MROH9: variants seen among roughly 807,000 people sequenced by gnomAD.
MROH9 encodes maestro heat-like repeat-containing protein family member 9.
Under a neutral mutation model 98.2 loss-of-function variants are expected in MROH9, and 92 were observed. That is an observed-to-expected ratio of 0.94 (90% CI 0.79 to 1.11). The LOEUF (loss-of-function observed/expected upper bound fraction) is 1.11, where lower values mean the gene tolerates loss of function less well. MROH9 is among the 50% of genes most tolerant of loss of function. The probability of loss-of-function intolerance (pLI) is 0.00; values close to 1 mark genes in which losing one functional copy is unlikely to be tolerated. For synonymous variants in MROH9, 397 were observed against 368.9 expected, an observed-to-expected ratio of 1.08 and a Z score of -0.87; for missense variants, 1,057 against 1,014.8, an observed-to-expected ratio of 1.04 and a Z score of -0.57.
intron 6 of MROH9, among the ~76,000 whole-genome samples, chr1:170,962,310 G>GA (rs1252470437): frequency 6.6e-6 from 1 of 152,112 alleles, no homozygotes; most frequent in Non-Finnish European, 1.5e-5. Context: ...ACATAGCAAT[G>GA]AAACCATGCT....
At chr1:171,047,205 T>C (rs1653497582) in intron 20 of MROH9, among the ~76,000 whole-genome samples, 1 of 152,216 alleles carries the variant, frequency 6.6e-6, no homozygotes, top group South Asian at 2.1e-4. Flanking sequence ...GATATAGATA[T>C]CTTTCCGTAG....
intron 20 of MROH9, among the ~76,000 whole-genome samples, chr1:171,045,978 G>A (rs1571165234): frequency 6.6e-6 from 1 of 152,168 alleles, no homozygotes; most frequent in Non-Finnish European, 1.5e-5. Flanking sequence ...GTGCTCCTAT[G>A]TTGGGTGCAT....
intron 14 of MROH9, among the ~76,000 whole-genome samples, chr1:170,997,887 C>G (rs1362467840): frequency 6.6e-6 from 1 of 152,078 alleles, no homozygotes; most frequent in Non-Finnish European, 1.5e-5. Flanking sequence ...GGAGCTTGCA[C>G]TAAAATAGGA....
intron 15 of MROH9, among the ~76,000 whole-genome samples, chr1:171,013,255 T>C (rs1652219437): frequency 1.3e-5 from 2 of 152,186 alleles, no homozygotes; most frequent in South Asian, 2.1e-4. Flanking sequence ...TACCAGTCTA[T>C]AGCCTGTTTG....
At chr1:170,983,049 T>A (rs886150509) in intron 8 of MROH9, among the ~76,000 whole-genome samples, 1 of 152,248 alleles carries the variant, frequency 6.6e-6, no homozygotes, top group Non-Finnish European at 1.5e-5. Flanking sequence ...CTGGATTCCC[T>A]GGTCTACCAC....
chr1:170,958,625 A>G (rs1649886413), intron 4 of MROH9, 85 bp downstream of exon 4: 2 of 935,906 alleles, frequency 2.1e-6, no homozygotes, highest in Admixed American at 2.2e-5. Flanking sequence ...ATTGTGAAAG[A>G]TAAGAAATTA....
intron 15 of MROH9, among the ~76,000 whole-genome samples, chr1:170,999,715 A>T (rs1345374326): frequency 6.6e-6 from 1 of 152,102 alleles, no homozygotes; most frequent in Non-Finnish European, 1.5e-5. Flanking sequence ...GCTGGATCAA[A>T]TAAATGGTAG....
chr1:171,049,841 A>G (rs1404995859), intron 20 of MROH9, among the ~76,000 whole-genome samples: 1 of 151,918 alleles, frequency 6.6e-6, no homozygotes, highest in Non-Finnish European at 1.5e-5. Flanking sequence ...CCACCATGCT[A>G]GACTGATTTT....
At chr1:170,999,749 A>G (rs1490741742) in intron 15 of MROH9, among the ~76,000 whole-genome samples, 4 of 152,052 alleles carry the variant, frequency 2.6e-5, no homozygotes, top group African/African-American at 9.7e-5. Context: ...TCTTTAAGGG[A>G]TCTCCACACA....
intron 1 of MROH9, among the ~76,000 whole-genome samples, chr1:170,942,368 GACACACACACACACACACAC>G (rs10529238): frequency 3.4e-5 from 5 of 144,952 alleles, no homozygotes; most frequent in Non-Finnish European, 6.0e-5. Flanking sequence ...ATGTAGAGTA[GACACACACACACACACACAC>G]ACACACACAC....
intron 3 of MROH9, among the ~76,000 whole-genome samples, chr1:170,949,688 TGGACC>T: frequency 6.6e-6 from 1 of 152,032 alleles, no homozygotes; most frequent in Non-Finnish European, 1.5e-5. Flanking sequence ...AACATGTAGC[TGGACC>T]TTGAAAGTGA....
chr1:171,014,162 G>T lies in MROH9; in HGVS notation c.1642G>T (p.Val548Phe). The T allele has an allele frequency of 6.4e-7, 1 of 1,550,796 alleles. No homozygotes were observed. The highest frequency in any genetic ancestry group is 8.7e-7 in the Non-Finnish European group (1 of 1,146,506). ...GGACCCTTTACCAGAAGAATTTTTG[G>T]TCCTCTTCATAAACTGGATCAATGA... is the stretch of plus-strand genomic sequence containing the variant. ...FKDPLPEEFL[V>F]LFINWINDSN... Residue 548 changes from valine to phenylalanine, a missense_variant, in exon 16 of 22, where the codon GTC becomes TTC. Physicochemically the swap from Val to Phe is conservative, Grantham distance 50. Transcript: ENST00000367759.
chr1:171,050,638 T>C lies in MROH9; in HGVS notation c.2282-11494T>C, dbSNP rs965938085. On this transcript the variant is annotated intron_variant, in intron 20 of 21. Transcript: ENST00000367759. ...AGAGGGATGATTTGACATAATCTTT[T>C]CCAGTTTGATGCCCTTTATTTATTT... 5.9e-5 allele frequency among the ~76,000 whole-genome samples: 9 copies of C among 152,150 alleles called. No individual in the cohort carries two copies. The East Asian group carries it at 1.7e-3, about 29-fold the overall frequency.
chr1:170,982,598 A>T (rs1431324401), intron 8 of MROH9, among the ~76,000 whole-genome samples: 4 of 152,110 alleles, frequency 2.6e-5, no homozygotes, highest in African/African-American at 9.7e-5. Flanking sequence ...CACCTTAGAT[A>T]TGTTATATGG....
intron 3 of MROH9, among the ~76,000 whole-genome samples, chr1:170,956,589 T>G (rs1428971851): frequency 1.7e-5 from 2 of 120,042 alleles, no homozygotes; most frequent in Non-Finnish European, 3.3e-5. Context: ...TTCCTTTTTT[T>G]TTTTTGTTTT....
chr1:170,947,961 T>A (rs1411454834), intron 3 of MROH9, among the ~76,000 whole-genome samples: 2 of 152,014 alleles, frequency 1.3e-5, no homozygotes, highest in Non-Finnish European at 2.9e-5. Context: ...AGTCTCTGAT[T>A]GAATGATATT....
intron 12 of MROH9, 43 bp downstream of exon 12, chr1:170,992,372 C>A: frequency 6.3e-7 from 1 of 1,576,238 alleles, no homozygotes; most frequent in Admixed American, 1.8e-5. Flanking sequence ...GTACTGTTTT[C>A]CTGATTGTGA....
At chr1:170,983,040 T>C (rs1650995849) in intron 8 of MROH9, among the ~76,000 whole-genome samples, 1 of 152,246 alleles carries the variant, frequency 6.6e-6, no homozygotes, top group South Asian at 2.1e-4. Flanking sequence ...TGAGCACTTC[T>C]GGATTCCCTG....
At chr1:170,987,469 T>C (rs1398422542) in intron 10 of MROH9, among the ~76,000 whole-genome samples, 1 of 152,202 alleles carries the variant, frequency 6.6e-6, no homozygotes. Flanking sequence ...TGTAAGCACA[T>C]GCAGTGTTCG....
Sources: gnomAD v4.1 joint callset for allele counts (sites outside exome capture counted in the v4.1 genomes callset) on GRCh38, gnomAD v4.1.1 for gene constraint, MANE v1.5 for transcripts, NCBI Gene and HGNC (gene_info 2026-07-23, HGNC 2026-07-21) for gene names.